Variants in CASS4 observed in about 807,000 individuals in gnomAD.
CASS4 encodes the protein cas scaffolding protein family member 4.
A neutral mutation model predicts 54.2 loss-of-function variants in CASS4; 22 were observed. That is an observed-to-expected ratio of 0.41 (90% CI 0.29 to 0.58). The LOEUF is 0.58. Ranked by LOEUF, CASS4 falls within the 20% of genes least tolerant of loss-of-function variation. The pLI, the probability that CASS4 is intolerant of heterozygous loss-of-function variation, is 0.36. For missense variants in CASS4, 854 were observed against 986.7 expected (o/e 0.87, Z 1.80); for synonymous variants, 409 against 391.5 (o/e 1.04, Z -0.53).
Position 56,452,240 on chromosome 20 carries a change from C to T in CASS4, c.1064C>T (p.Ala355Val), listed in dbSNP as rs1254132731. 1.2e-6 allele frequency: 2 copies of T among 1,613,984 alleles called. No individual in the cohort carries two copies. Among genetic ancestry groups the T allele is most frequent in the African/African-American group, 1.3e-5 (1 of 74,930 alleles). Residue 355 changes from alanine to valine, a missense_variant, in exon 5 of 6, where the codon GCA becomes GTA. By Grantham distance (64) the Ala-to-Val change is moderately conservative. Coordinates refer to ENST00000679887, the MANE Select transcript of CASS4 (RefSeq NM_020356.4). ...TKPNIYDIPKATSSVSQAGKE... is the reference protein window; with the variant it reads ...TKPNIYDIPKVTSSVSQAGKE... ...CCCAATATTTATGACATCCCTAAAG[C>T]AACGTCGAGTGTTTCTCAGGCTGGG...
chr20:56,439,536 C>A (rs1056020792), intron 2 of CASS4, among the ~76,000 whole-genome samples: 1 of 151,510 alleles, frequency 6.6e-6, no homozygotes, highest in African/African-American at 2.4e-5. Context: ...ATTAGGCAGG[C>A]GTGGTGGCAG....
chr20:56,451,693 C>A, intron 4 of CASS4, 126 bp from the exon 5 acceptor site: 1 of 705,076 alleles, frequency 1.4e-6, no homozygotes, highest in African/African-American at 1.8e-5. Flanking sequence ...TCCTGAAGGA[C>A]CTTGAGTGGT....
chr20:56,415,765 G>A (rs1484434683), intron 1 of CASS4, among the ~76,000 whole-genome samples: 1 of 152,198 alleles, frequency 6.6e-6, no homozygotes, highest in Non-Finnish European at 1.5e-5. Context: ...ATGGTAAACA[G>A]GGACTGTTCT....
rs372836634 is a variant in CASS4, at chr20:56,454,705, A to T, written c.1953+1576A>T. 2.5e-4 allele frequency among the ~76,000 whole-genome samples: 38 copies of T among 152,312 alleles called. 1 individual carries two copies. Among genetic ancestry groups the T allele is most frequent in the Admixed American group, 4.6e-4 (7 of 15,292 alleles). ...GAAAGATAAACCTATCTTGGAATAA[A>T]GGTTAGATGAAAACAAAGACTTAGG... On this transcript the variant is annotated intron_variant, in intron 5 of 5. Transcript: ENST00000679887.
In CASS4 at chr20:56,424,728, G is replaced by A. The variant is rs539405536; in HGVS notation, c.36+12234G>A. ...TGCATTCCAGCCTGGATGACAGAGC[G>A]AGACTCTGTCTCAAAAAAAAAAAAA... is the stretch of plus-strand genomic sequence containing the variant. On this transcript the variant is annotated intron_variant, in intron 1 of 5. Coordinates refer to ENST00000679887, the MANE Select transcript of CASS4 (RefSeq NM_020356.4). Among the ~76,000 whole-genome samples, 5 of 126,678 alleles carry A rather than the reference G, an allele frequency of 3.9e-5. No homozygotes were observed. In the East Asian group the frequency reaches 7.2e-4, roughly 18 times the overall value. 83.1% of individuals were successfully genotyped at this position (126,678 alleles called of 152,430 possible).
chr20:56,446,069 A>G (rs1364806856), intron 3 of CASS4, 68 bp downstream of exon 3: 33 of 1,048,238 alleles, frequency 3.1e-5, no homozygotes, highest in South Asian at 9.3e-5. Flanking sequence ...TCTTGGGATC[A>G]TGCCCACATT....
chr20:56,434,811 A>T (rs951591279), intron 1 of CASS4, among the ~76,000 whole-genome samples: 2 of 152,180 alleles, frequency 1.3e-5, no homozygotes, highest in African/African-American at 4.8e-5. Context: ...TTATGCCATT[A>T]GATTTTAAAA....
At chr20:56,432,614 C>G (rs906611762) in intron 1 of CASS4, among the ~76,000 whole-genome samples, 2 of 152,108 alleles carry the variant, frequency 1.3e-5, no homozygotes, top group Admixed American at 6.6e-5. Flanking sequence ...GTCATCCACA[C>G]GCTTTGGCCT....
chr20:56,431,900 A>C (rs1481761991), intron 1 of CASS4, among the ~76,000 whole-genome samples: 1 of 152,224 alleles, frequency 6.6e-6, no homozygotes, highest in African/African-American at 2.4e-5. Flanking sequence ...GCCTCTGCAA[A>C]GGCTTTTATT....
intron 1 of CASS4, among the ~76,000 whole-genome samples, chr20:56,425,350 CTG>C (rs2146268937): frequency 6.6e-6 from 1 of 152,368 alleles, no homozygotes; most frequent in African/African-American, 2.4e-5. Context: ...GTTGCCCTCT[CTG>C]TGTGGTTCCA....
At chr20:56,454,919 C>T (rs1436957370) in intron 5 of CASS4, among the ~76,000 whole-genome samples, 2 of 152,110 alleles carry the variant, frequency 1.3e-5, no homozygotes, top group Admixed American at 6.5e-5. Context: ...GTCTAATGAA[C>T]GAACCCCAGG....
At position 56,444,303 on chromosome 20, in the gene CASS4, A is replaced by G. The variant is rs538764821; in HGVS notation, c.460-1597A>G. Reference sequence around the variant, plus strand: ...GCGTTCCCCTCCCTCAGCTCTGCATATTGAAACCCTAACATCCCCTGAGCC... The same window carrying G: ...GCGTTCCCCTCCCTCAGCTCTGCATGTTGAAACCCTAACATCCCCTGAGCC... On this transcript the variant is annotated intron_variant, in intron 2 of 5. Transcript: ENST00000679887. 2.0e-5 allele frequency among the ~76,000 whole-genome samples: 3 copies of G among 152,136 alleles called. No individual in the cohort carries two copies. In the East Asian group the frequency reaches 5.8e-4, roughly 30 times the overall value.
At position 56,458,940 on chromosome 20, in the gene CASS4, G is replaced by GA. The variant is rs1981468434; in HGVS notation, c.*194dup. The GA allele has an allele frequency of 5.1e-6, 3 of 584,350 alleles. No homozygotes were observed. Among genetic ancestry groups the GA allele is most frequent in the Non-Finnish European group, 9.1e-6 (3 of 329,996 alleles). The allele number at this position is 584,350 out of a possible 1,614,324, so 36.2% of individuals were successfully genotyped here. On this transcript the variant is annotated 3_prime_UTR_variant, in exon 6 of 6. Coordinates refer to ENST00000679887, the MANE Select transcript of CASS4 (RefSeq NM_020356.4). Reference sequence around the variant, plus strand: ...ACTTACCCCGCAGGGGGTCAGGAAAGAGAGTCAGGTATGAGGTAAAGACCT... The same window carrying GA: ...ACTTACCCCGCAGGGGGTCAGGAAAGAAGAGTCAGGTATGAGGTAAAGACCT...
intron 1 of CASS4, among the ~76,000 whole-genome samples, chr20:56,418,539 T>C (rs1979256726): frequency 6.6e-6 from 1 of 152,208 alleles, no homozygotes; most frequent in Admixed American, 6.5e-5. Flanking sequence ...GGGCTGTAAG[T>C]AGGAAAGAGC....
intron 5 of CASS4, among the ~76,000 whole-genome samples, chr20:56,454,367 C>T (rs1568683297): frequency 1.3e-5 from 2 of 152,260 alleles, no homozygotes; most frequent in East Asian, 3.9e-4. Context: ...TGCTGAAATG[C>T]CTGGTGGTGT....
chr20:56,433,905 G>T (rs1038579036), intron 1 of CASS4, among the ~76,000 whole-genome samples: 1 of 152,192 alleles, frequency 6.6e-6, no homozygotes, highest in African/African-American at 2.4e-5. Flanking sequence ...AGTGGGTACA[G>T]CAGGGAGGTG....
At chr20:56,453,221 A>G (rs1981131164) in intron 5 of CASS4, 92 bp downstream of exon 5, 1 of 904,702 alleles carries the variant, frequency 1.1e-6, no homozygotes, top group Admixed American at 2.7e-5. Flanking sequence ...TCCATAGTGT[A>G]TAGGCTTTGG....
chr20:56,434,603 A>ATTTTTT, intron 1 of CASS4, among the ~76,000 whole-genome samples: 1 of 141,808 alleles, frequency 7.1e-6, no homozygotes, highest in Non-Finnish European at 1.5e-5. Context: ...CTCCCAGCTA[A>ATTTTTT]TTTTTTTTTT....
chr20:56,456,308 G>A (rs555283510), intron 5 of CASS4, among the ~76,000 whole-genome samples: 13 of 152,026 alleles, frequency 8.6e-5, no homozygotes, highest in East Asian at 7.7e-4. Context: ...ACCTCCCTAC[G>A]GTTAATATTT....
Sources: gnomAD v4.1 joint callset for allele counts (sites outside exome capture counted in the v4.1 genomes callset) on GRCh38, gnomAD v4.1.1 for gene constraint, MANE v1.5 for transcripts, NCBI Gene and HGNC (gene_info 2026-07-23, HGNC 2026-07-21) for gene names.